Variants in TRPC4 observed in about 807,000 individuals in gnomAD.
The protein encoded by TRPC4 is transient receptor potential cation channel subfamily C member 4.
TRPC4 carries 49 observed loss-of-function variants against 99.4 expected under a neutral mutation model. That is an observed-to-expected ratio of 0.49 (90% confidence interval 0.39 to 0.63). The LOEUF is 0.63. Among genes scored for constraint, TRPC4 ranks in the 20% least tolerant of loss-of-function variants. The probability of loss-of-function intolerance (pLI) is 0.00; values close to 1 mark genes in which losing one functional copy is unlikely to be tolerated. For synonymous variants in TRPC4, 454 were observed against 425.9 expected (o/e 1.07, Z -0.81); for missense variants, 898 against 1,152.9 (o/e 0.78, Z 3.20).
At chr13:37,791,398 TAAAAAAAA>T (rs11312586) in intron 1 of TRPC4, among the ~76,000 whole-genome samples, 1 of 114,764 alleles carries the variant, frequency 8.7e-6, no homozygotes, top group African/African-American at 3.7e-5. Flanking sequence ...TCTGTCTCAA[TAAAAAAAA>T]AAAAAAAAAA....
chr13:37,703,415 C>T (rs1348189277), intron 3 of TRPC4, among the ~76,000 whole-genome samples: 1 of 151,864 alleles, frequency 6.6e-6, no homozygotes, highest in African/African-American at 2.4e-5. Context: ...GAGTTCCTAC[C>T]ACCAAAAAAA....
At chr13:37,699,125 CT>C (rs1954017944) in intron 3 of TRPC4, among the ~76,000 whole-genome samples, 1 of 152,012 alleles carries the variant, frequency 6.6e-6, no homozygotes, top group Admixed American at 6.6e-5. Flanking sequence ...CTTATTGTGT[CT>C]TTTTCCCAAT....
At chr13:37,720,344 C>A (rs1389253449) in intron 3 of TRPC4, among the ~76,000 whole-genome samples, 1 of 152,118 alleles carries the variant, frequency 6.6e-6, no homozygotes, top group African/African-American at 2.4e-5. Context: ...CTATCTAGGG[C>A]AGATCCTAGA....
chr13:37,797,102 C>T (rs903588284), intron 1 of TRPC4, among the ~76,000 whole-genome samples: 4 of 151,608 alleles, frequency 2.6e-5, no homozygotes, highest in African/African-American at 9.7e-5. Context: ...ATTGCTTTAG[C>T]CCAGGAGGTC....
chr13:37,643,299 T>G (rs1951780403), intron 8 of TRPC4, among the ~76,000 whole-genome samples: 1 of 152,162 alleles, frequency 6.6e-6, no homozygotes, highest in South Asian at 2.1e-4. Context: ...AAACCAGAGA[T>G]GAATAAAGCA....
chr13:37,652,903 T>G (rs1952098224), intron 7 of TRPC4, among the ~76,000 whole-genome samples: 1 of 152,096 alleles, frequency 6.6e-6, no homozygotes, highest in Admixed American at 6.5e-5. Flanking sequence ...TATAACATAG[T>G]CTATGGTGCT....
intron 3 of TRPC4, among the ~76,000 whole-genome samples, chr13:37,723,659 C>T (rs1954945358): frequency 6.6e-6 from 1 of 152,162 alleles, no homozygotes; most frequent in South Asian, 2.1e-4. Context: ...AAGCAATCCT[C>T]TGCCTCAGCC....
At chr13:37,807,350 T>C (rs1957552143) in intron 1 of TRPC4, among the ~76,000 whole-genome samples, 1 of 151,986 alleles carries the variant, frequency 6.6e-6, no homozygotes, top group Non-Finnish European at 1.5e-5. Flanking sequence ...TTAAACAGTA[T>C]CCTAAAATAT....
chr13:37,858,300 C>G (rs935349709), intron 1 of TRPC4, among the ~76,000 whole-genome samples: 10 of 151,668 alleles, frequency 6.6e-5, no homozygotes, highest in African/African-American at 2.4e-4. Flanking sequence ...AAGGGGAACC[C>G]TCATACATTG....
intron 4 of TRPC4, among the ~76,000 whole-genome samples, chr13:37,691,151 G>A (rs1207654922): frequency 6.6e-6 from 1 of 152,040 alleles, no homozygotes; most frequent in Non-Finnish European, 1.5e-5. Context: ...GCCCAGGCTG[G>A]ACTACAGTGG....
At chr13:37,660,425 G>A (rs1179394949) in intron 6 of TRPC4, among the ~76,000 whole-genome samples, 1 of 152,086 alleles carries the variant, frequency 6.6e-6, no homozygotes, top group African/African-American at 2.4e-5. Context: ...GGAAGCAGAA[G>A]CCAAATTATA....
intron 2 of TRPC4, among the ~76,000 whole-genome samples, chr13:37,778,541 T>C (rs970446159): frequency 2.6e-5 from 4 of 151,986 alleles, no homozygotes; most frequent in African/African-American, 9.7e-5. Context: ...CACTGCACAA[T>C]TGAGTCCCCT....
intron 3 of TRPC4, among the ~76,000 whole-genome samples, chr13:37,724,052 G>A (rs1487441923): frequency 6.6e-6 from 1 of 151,066 alleles, no homozygotes; most frequent in Non-Finnish European, 1.5e-5. Flanking sequence ...CGCAAATTAG[G>A]GATTAATTTT....
intron 1 of TRPC4, among the ~76,000 whole-genome samples, chr13:37,791,877 T>C (rs1211233910): frequency 1.3e-5 from 2 of 152,090 alleles, no homozygotes; most frequent in Non-Finnish European, 1.5e-5. Flanking sequence ...AGGAACAGGA[T>C]GCAATCTAGG....
At chr13:37,721,461 G>C (rs1001995248) in intron 3 of TRPC4, among the ~76,000 whole-genome samples, 4 of 152,062 alleles carry the variant, frequency 2.6e-5, no homozygotes, top group African/African-American at 9.7e-5. Context: ...TTTATACTAT[G>C]CCATTTTTAG....
chr13:37,851,729 G>T (rs918288194), intron 1 of TRPC4, among the ~76,000 whole-genome samples: 1 of 152,182 alleles, frequency 6.6e-6, no homozygotes, highest in African/African-American at 2.4e-5. Context: ...ATTGAAAGAG[G>T]CATTGAGGAG....
chr13:37,756,420 AG>A (rs1299861244), intron 2 of TRPC4, among the ~76,000 whole-genome samples: 1 of 152,192 alleles, frequency 6.6e-6, no homozygotes, highest in Admixed American at 6.6e-5. Context: ...GTCTAAGCCT[AG>A]GGCTAATAAT....
In TRPC4 at chr13:37,867,913, A is replaced by G. The variant is rs528190270; in HGVS notation, c.-28+1682T>C. Reference sequence around the variant, plus strand: ...AGATGGCTGTAGTTCTCCATGGAGCATAAGTTAGAAAGTTAGTTTGAAATG... The same window carrying G: ...AGATGGCTGTAGTTCTCCATGGAGCGTAAGTTAGAAAGTTAGTTTGAAATG... On this transcript the variant is annotated intron_variant, in intron 1 of 10. Transcript: ENST00000379705. 3.9e-5 allele frequency among the ~76,000 whole-genome samples: 6 copies of G among 152,282 alleles called. No homozygotes were observed. In the East Asian group the frequency reaches 9.7e-4, roughly 24 times the overall value.
intron 1 of TRPC4, among the ~76,000 whole-genome samples, chr13:37,816,180 A>C (rs1957848905): frequency 6.6e-6 from 1 of 151,906 alleles, no homozygotes; most frequent in African/African-American, 2.4e-5. Flanking sequence ...ATGGAAGGGC[A>C]TTATATAATA....
Sources: gnomAD v4.1 joint callset for allele counts (sites outside exome capture counted in the v4.1 genomes callset) on GRCh38, gnomAD v4.1.1 for gene constraint, MANE v1.5 for transcripts, NCBI Gene and HGNC (gene_info 2026-07-23, HGNC 2026-07-21) for gene names.